Variants in TPO observed in about 807,000 individuals in gnomAD.
TPO encodes the protein thyroid microsomal antigen.
A neutral mutation model predicts 96.9 loss-of-function variants in TPO; 78 were observed. That is an observed-to-expected ratio of 0.81 (90% CI 0.67 to 0.97). TPO has a LOEUF of 0.97. Ranked by LOEUF, TPO falls within the 50% of genes least tolerant of loss-of-function variation. TPO has a pLI of 0.00. For missense variants in TPO, 1,252 were observed against 1,274.8 expected, an observed-to-expected ratio of 0.98 and a Z score of 0.27; for synonymous variants, 547 against 538.0, an observed-to-expected ratio of 1.02 and a Z score of -0.23.
chr2:1,480,587 C>T (rs1670460737), intron 8 of TPO, among the ~76,000 whole-genome samples: 1 of 148,744 alleles, frequency 6.7e-6, no homozygotes, highest in Non-Finnish European at 1.5e-5. Context: ...CACACACACA[C>T]ACACACACAC....
At chr2:1,499,701 A>G (rs1672687095) in intron 13 of TPO, among the ~76,000 whole-genome samples, 1 of 152,182 alleles carries the variant, frequency 6.6e-6, no homozygotes, top group African/African-American at 2.4e-5. Context: ...AGACCCCATG[A>G]GACTGTGTAT....
At chr2:1,487,382 A>C (rs115244256) in intron 9 of TPO, among the ~76,000 whole-genome samples, 334 of 152,302 alleles carry the variant, frequency 2.2e-3, no homozygotes, top group South Asian at 3.9e-3. Flanking sequence ...ACATTCAGGA[A>C]ACTCTGGAAT....
chr2:1,499,382 T>C (rs151283474), intron 13 of TPO, among the ~76,000 whole-genome samples: 1 of 152,188 alleles, frequency 6.6e-6, no homozygotes, highest in African/African-American at 2.4e-5. Context: ...TTATCTTCCT[T>C]GATTTTTAGT....
At chr2:1,402,644 G>A (rs1258690325) in intron 1 of TPO, among the ~76,000 whole-genome samples, 1 of 152,142 alleles carries the variant, frequency 6.6e-6, no homozygotes, top group East Asian at 1.9e-4. Flanking sequence ...GCAGGCAAGA[G>A]AAAATAAGAG....
intron 4 of TPO, among the ~76,000 whole-genome samples, chr2:1,435,357 C>T (rs928227797): frequency 2.6e-5 from 4 of 152,240 alleles, no homozygotes; most frequent in Admixed American, 6.5e-5. Flanking sequence ...TGAATGCACA[C>T]TGCAGTCCAA....
chr2:1,494,418 A>G (rs181172098), intron 11 of TPO, among the ~76,000 whole-genome samples: 2 of 152,380 alleles, frequency 1.3e-5, no homozygotes, highest in Non-Finnish European at 2.9e-5. Context: ...ACTCAGGCGC[A>G]GACACAGGCC....
intron 7 of TPO, among the ~76,000 whole-genome samples, chr2:1,473,426 C>T (rs370201440): frequency 2.3e-4 from 35 of 152,188 alleles, no homozygotes; most frequent in African/African-American, 7.9e-4. Context: ...TTGACAATAC[C>T]GTGTGGACTT....
chr2:1,450,294 G>C (rs139657811), intron 5 of TPO, among the ~76,000 whole-genome samples: 1 of 152,284 alleles, frequency 6.6e-6, no homozygotes, highest in African/African-American at 2.4e-5. Flanking sequence ...ATGCTCAAGC[G>C]CTCTTCAAGA....
chr2:1,519,804 C>T (rs900419587), intron 15 of TPO, among the ~76,000 whole-genome samples: 6 of 152,146 alleles, frequency 3.9e-5, no homozygotes, highest in African/African-American at 1.4e-4. Context: ...TCCCTATAAA[C>T]ATCTATCACA....
intron 16 of TPO, chr2:1,540,982 G>T (rs983516114): frequency 6.9e-7 from 1 of 1,449,926 alleles, no homozygotes; most frequent in East Asian, 2.8e-5. Flanking sequence ...ACTTTCAGGC[G>T]TTTGCTTCCA....
chr2:1,502,210 C>T (rs539684287), intron 13 of TPO, among the ~76,000 whole-genome samples: 7 of 152,132 alleles, frequency 4.6e-5, no homozygotes, highest in East Asian at 1.9e-4. Context: ...CTCTGCATAA[C>T]GGGATGCAGG....
intron 7 of TPO, among the ~76,000 whole-genome samples, chr2:1,471,920 G>A (rs1669458163): frequency 1.3e-5 from 2 of 151,332 alleles, no homozygotes; most frequent in South Asian, 4.2e-4. Flanking sequence ...TGCTCATGGT[G>A]TGCCCTTCCC....
At chr2:1,429,820 A>G (rs1483638911) in intron 3 of TPO, among the ~76,000 whole-genome samples, 3 of 152,244 alleles carry the variant, frequency 2.0e-5, no homozygotes, top group Non-Finnish European at 4.4e-5. Context: ...AAAGAATTCA[A>G]GGGGTGGTCT....
chr2:1,480,736 T>TCCACACCACC (rs1162791814), intron 8 of TPO, among the ~76,000 whole-genome samples: 15 of 108,060 alleles, frequency 1.4e-4, no homozygotes, highest in Non-Finnish European at 3.2e-4. Flanking sequence ...CCAAACCATG[T>TCCACACCACC]TTCTCCTGCT....
intron 1 of TPO, among the ~76,000 whole-genome samples, chr2:1,386,352 T>G (rs1661895025): frequency 6.6e-6 from 1 of 152,144 alleles, no homozygotes; most frequent in Non-Finnish European, 1.5e-5. Context: ...GGAGTCTAAG[T>G]CTCTTTGTAG....
chr2:1,503,973 C>G lies in TPO; in HGVS notation c.2412C>G (p.Ala804=), dbSNP rs772504120. 7.2e-5 allele frequency: 117 copies of G among 1,613,964 alleles called. No individual in the cohort carries two copies. The Admixed American group carries it at 1.9e-3, about 26-fold the overall frequency. ...CKDVNECADG[A]HPPCHASARC... ...ATGTGAACGAGTGTGCAGACGGTGC[C>G]CACCCCCCCTGCCACGCCTCTGCGA... The change falls in exon 14 of 17, where the codon GCC becomes GCG. Residue 804 remains alanine (A), a synonymous_variant. Transcript: ENST00000329066.
At chr2:1,522,908 T>C (rs1266403475) in intron 15 of TPO, among the ~76,000 whole-genome samples, 3 of 131,926 alleles carry the variant, frequency 2.3e-5, no homozygotes, top group African/African-American at 8.7e-5. Flanking sequence ...CCCCCCACTG[T>C]GTGCAACTTC....
At chr2:1,429,055 T>C (rs1208658163) in intron 3 of TPO, among the ~76,000 whole-genome samples, 2 of 152,220 alleles carry the variant, frequency 1.3e-5, no homozygotes, top group African/African-American at 4.8e-5. Context: ...GTGTTTTATA[T>C]TTTAAGTTAA....
chr2:1,497,396 G>A (rs1337767904), intron 13 of TPO, among the ~76,000 whole-genome samples: 2 of 152,230 alleles, frequency 1.3e-5, no homozygotes, highest in Non-Finnish European at 2.9e-5. Context: ...GGACAACAGA[G>A]CCTCCCGGGG....
Sources: allele counts gnomAD v4.1 joint callset (sites outside exome capture counted in the v4.1 genomes callset), GRCh38; gene constraint gnomAD v4.1.1; transcripts MANE v1.5; gene names NCBI Gene and HGNC (gene_info 2026-07-23, HGNC 2026-07-21).